Variants in ABCD2 observed in about 807,000 individuals in gnomAD.
The protein encoded by ABCD2 is ATP binding cassette subfamily D member 2, also known as ATP-binding cassette sub-family D member 2.
In ABCD2, 36 loss-of-function variants were observed where a neutral mutation model predicts 70.9. That is an observed-to-expected ratio of 0.51 (90% CI 0.39 to 0.67). The LOEUF (loss-of-function observed/expected upper bound fraction) is 0.67, where lower values mean the gene tolerates loss of function less well. Ranked by LOEUF, ABCD2 falls within the 30% of genes least tolerant of loss-of-function variation. ABCD2 has a pLI of 0.00. For synonymous variants in ABCD2, 304 were observed against 306.9 expected, an observed-to-expected ratio of 0.99 and a Z score of 0.10; for missense variants, 729 against 890.2, an observed-to-expected ratio of 0.82 and a Z score of 2.30.
intron 9 of ABCD2, among the ~76,000 whole-genome samples, chr12:39,570,259 A>G (rs923482681): frequency 3.9e-5 from 6 of 152,250 alleles, no homozygotes; most frequent in Non-Finnish European, 5.9e-5. Flanking sequence ...TGCAACTGCA[A>G]AACACCCAAA....
At chr12:39,578,751 G>A (rs978783800) in intron 8 of ABCD2, among the ~76,000 whole-genome samples, 6 of 151,754 alleles carry the variant, frequency 4.0e-5, no homozygotes, top group Non-Finnish European at 7.4e-5. Context: ...ACGCAGAATG[G>A]TCCCTTTTTC....
intron 7 of ABCD2, among the ~76,000 whole-genome samples, chr12:39,581,663 T>C (rs1292818665): frequency 6.6e-6 from 1 of 152,180 alleles, no homozygotes; most frequent in East Asian, 1.9e-4. Flanking sequence ...CTTAACTTTT[T>C]TTTCCCCTGC....
intron 7 of ABCD2, among the ~76,000 whole-genome samples, chr12:39,580,941 T>C (rs1941588037): frequency 6.6e-6 from 1 of 152,224 alleles, no homozygotes; most frequent in South Asian, 2.1e-4. Flanking sequence ...AAATGATTAT[T>C]TGATTCTTTT....
intron 9 of ABCD2, among the ~76,000 whole-genome samples, chr12:39,556,450 A>G (rs1486040521): frequency 6.6e-6 from 1 of 152,010 alleles, no homozygotes; most frequent in Non-Finnish European, 1.5e-5. Flanking sequence ...TGGTGGTTTT[A>G]TAAGTGTTTG....
chr12:39,549,998 A>G (rs1204077604), downstream of ABCD2: 1 of 151,836 alleles, frequency 6.6e-6, no homozygotes, highest in African/African-American at 2.4e-5. Context: ...GACTGAGGGC[A>G]TTCATTTTCC....
chr12:39,597,382 G>A (rs1025542898), intron 6 of ABCD2, among the ~76,000 whole-genome samples: 1 of 152,104 alleles, frequency 6.6e-6, no homozygotes, highest in African/African-American at 2.4e-5. Context: ...GGCTTTCATG[G>A]ATGAAGACAG....
At chr12:39,562,232 A>G (rs1335245674) in intron 9 of ABCD2, among the ~76,000 whole-genome samples, 2 of 152,134 alleles carry the variant, frequency 1.3e-5, no homozygotes, top group Admixed American at 1.3e-4. Flanking sequence ...ACCTGCATCA[A>G]AATAGATTAA....
At chr12:39,567,460 AT>A (rs1464455290) in intron 9 of ABCD2, among the ~76,000 whole-genome samples, 1 of 151,636 alleles carries the variant, frequency 6.6e-6, no homozygotes, top group African/African-American at 2.4e-5. Context: ...CAACCCCTGC[AT>A]TTTTTGTTTT....
intron 6 of ABCD2, among the ~76,000 whole-genome samples, chr12:39,589,639 G>C (rs1024757502): frequency 6.6e-6 from 1 of 151,836 alleles, no homozygotes; most frequent in African/African-American, 2.4e-5. Context: ...CGCCCACCTC[G>C]GCCTCCCAAA....
intron 2 of ABCD2, 39 bp downstream of exon 2, chr12:39,616,949 G>A: frequency 6.5e-7 from 1 of 1,527,656 alleles, no homozygotes. Context: ...AAGAAATAAT[G>A]TTAAAAATAT....
chr12:39,559,884 A>G (rs1014742376), intron 9 of ABCD2, among the ~76,000 whole-genome samples: 11 of 152,232 alleles, frequency 7.2e-5, no homozygotes, highest in Admixed American at 6.5e-4. Context: ...GGAGTTCTTC[A>G]CATTGAAAGA....
At chr12:39,531,246 G>A in the ABCD2 span, among the ~76,000 whole-genome samples, 1 of 152,116 alleles carries the variant, frequency 6.6e-6, no homozygotes. Context: ...AATAAAATGA[G>A]TTAGTTTCTG....
intron 8 of ABCD2, among the ~76,000 whole-genome samples, chr12:39,576,177 T>C (rs924345901): frequency 6.6e-6 from 1 of 152,300 alleles, no homozygotes; most frequent in African/African-American, 2.4e-5. Context: ...GTTGTTGTTT[T>C]TGAGACGGAG....
intron 5 of ABCD2, among the ~76,000 whole-genome samples, 167 bp from the exon 6 acceptor site, chr12:39,600,883 TA>T (rs1941888408): frequency 6.6e-6 from 1 of 152,176 alleles, no homozygotes; most frequent in African/African-American, 2.4e-5. Context: ...GGCTTTTGAC[TA>T]TTCTCTGAAG....
At chr12:39,554,516 G>T (rs1003095880) in intron 9 of ABCD2, among the ~76,000 whole-genome samples, 4 of 151,804 alleles carry the variant, frequency 2.6e-5, no homozygotes, top group Admixed American at 2.6e-4. Flanking sequence ...GAAAAACTAA[G>T]GAAAATAAAG....
At chr12:39,566,107 C>T (rs1941342926) in intron 9 of ABCD2, among the ~76,000 whole-genome samples, 1 of 152,118 alleles carries the variant, frequency 6.6e-6, no homozygotes, top group Non-Finnish European at 1.5e-5. Flanking sequence ...TGTTGTGTCT[C>T]TGCCCGGCTT....
intron 6 of ABCD2, among the ~76,000 whole-genome samples, chr12:39,591,260 T>G: frequency 6.6e-6 from 1 of 152,214 alleles, no homozygotes; most frequent in East Asian, 1.9e-4. Flanking sequence ...ATTTATAGTA[T>G]TCTTAAAAAA....
At chr12:39,534,914 AAGAAAGAAAGAAAGAAAG>A in the ABCD2 span, among the ~76,000 whole-genome samples, 1 of 99,466 alleles carries the variant, frequency 1.0e-5, no homozygotes, top group Non-Finnish European at 2.0e-5. Context: ...GAAAGAAAGA[AAGAAAGAAAGAAAGAAAG>A]AAAGAAAGAA....
At chr12:39,540,919 A>G in the ABCD2 span, among the ~76,000 whole-genome samples, 1 of 152,254 alleles carries the variant, frequency 6.6e-6, no homozygotes, top group East Asian at 1.9e-4. Flanking sequence ...CCTTGGGCAC[A>G]TGTTCTCAGG....
Sources: gnomAD v4.1 joint callset for allele counts (sites outside exome capture counted in the v4.1 genomes callset) on GRCh38, gnomAD v4.1.1 for gene constraint, MANE v1.5 for transcripts, NCBI Gene and HGNC (gene_info 2026-07-23, HGNC 2026-07-21) for gene names.